PLPPR5: variants seen among roughly 807,000 people sequenced by gnomAD.
The protein encoded by PLPPR5 is phospholipid phosphatase related 5.
Under a neutral mutation model 33.9 loss-of-function variants are expected in PLPPR5, and 16 were observed. The observed-to-expected ratio is 0.47, with a 90% CI of 0.32 to 0.72. The LOEUF (loss-of-function observed/expected upper bound fraction) is 0.72, where lower values mean the gene tolerates loss of function less well. Ranked by LOEUF, PLPPR5 falls within the 30% of genes least tolerant of loss-of-function variation. The pLI is 0.03. For synonymous variants in PLPPR5, 163 were observed against 150.3 expected, an observed-to-expected ratio of 1.08 and a Z score of -0.62; for missense variants, 301 against 406.7, an observed-to-expected ratio of 0.74 and a Z score of 2.23.
intron 1 of PLPPR5, among the ~76,000 whole-genome samples, chr1:98,990,242 G>A (rs1024442249): frequency 3.3e-5 from 5 of 151,940 alleles, no homozygotes; most frequent in Admixed American, 6.6e-5. Context: ...GGTGGTGCAC[G>A]CCAGTAATCC....
intron 5 of PLPPR5, among the ~76,000 whole-genome samples, chr1:98,907,706 C>T (rs935256299): frequency 1.3e-5 from 2 of 152,142 alleles, no homozygotes; most frequent in African/African-American, 4.8e-5. Flanking sequence ...GAATCCTCCA[C>T]TTAGATCCTG....
intron 3 of PLPPR5, among the ~76,000 whole-genome samples, chr1:98,937,256 C>T (rs909867038): frequency 1.3e-5 from 2 of 152,206 alleles, no homozygotes; most frequent in African/African-American, 4.8e-5. Flanking sequence ...ATAACATACT[C>T]CTGCCTTCTA....
At position 99,004,169 on chromosome 1, in the gene PLPPR5, C is replaced by A. The variant is rs998450366; in HGVS notation, c.237+266G>T. 17 of 514,144 alleles carry A rather than the reference C, an allele frequency of 3.3e-5. No homozygotes were observed. In the African/African-American group the frequency reaches 3.3e-4, roughly 10 times the overall value. 31.8% of individuals were successfully genotyped at this position (514,144 alleles called of 1,614,324 possible). On this transcript the variant is annotated intron_variant, in intron 1 of 5. Transcript: ENST00000263177. ...GATCCCCACTCCTCACCACCTACGG[C>A]CCCTCTTCCCTTCCATCCCCGCCCA...
chr1:98,992,604 G>C (rs1288513818), intron 1 of PLPPR5, among the ~76,000 whole-genome samples: 1 of 152,078 alleles, frequency 6.6e-6, no homozygotes, highest in Admixed American at 6.6e-5. Flanking sequence ...TGTCTGAAAA[G>C]ATTTGATGTT....
chr1:98,948,426 G>C (rs1418998000), intron 3 of PLPPR5, among the ~76,000 whole-genome samples: 1 of 152,146 alleles, frequency 6.6e-6, no homozygotes, highest in Non-Finnish European at 1.5e-5. Flanking sequence ...TCTGGGAAAA[G>C]ACTGGGATAA....
chr1:98,989,072 C>T (rs1652360578), intron 1 of PLPPR5, among the ~76,000 whole-genome samples: 1 of 152,072 alleles, frequency 6.6e-6, no homozygotes, highest in Non-Finnish European at 1.5e-5. Flanking sequence ...TACCTACTAA[C>T]TGAACAGGGA....
At chr1:98,969,363 A>C (rs938997624) in intron 1 of PLPPR5, among the ~76,000 whole-genome samples, 4 of 152,064 alleles carry the variant, frequency 2.6e-5, no homozygotes, top group Non-Finnish European at 5.9e-5. Flanking sequence ...TATTAGAAAA[A>C]GAAGAGAGGG....
At chr1:98,904,792 A>G (rs1445328698) in intron 5 of PLPPR5, among the ~76,000 whole-genome samples, 1 of 152,164 alleles carries the variant, frequency 6.6e-6, no homozygotes, top group Non-Finnish European at 1.5e-5. Context: ...ATTACAAAGG[A>G]GAGGTATCCG....
At chr1:98,964,958 C>T (rs1227921559) in intron 1 of PLPPR5, among the ~76,000 whole-genome samples, 1 of 150,626 alleles carries the variant, frequency 6.6e-6, no homozygotes, top group Non-Finnish European at 1.5e-5. Context: ...TGCAACCATG[C>T]CCAGTTAATT....
At chr1:98,930,911 C>G (rs893425525) in intron 3 of PLPPR5, among the ~76,000 whole-genome samples, 2 of 152,146 alleles carry the variant, frequency 1.3e-5, no homozygotes, top group Non-Finnish European at 2.9e-5. Flanking sequence ...CACTTTACAC[C>G]CTTTCAAGAA....
chr1:99,001,621 C>T (rs72646196), intron 1 of PLPPR5, among the ~76,000 whole-genome samples: 11,715 of 138,414 alleles, frequency 0.085, 581 homozygotes, highest in East Asian at 0.26. Context: ...GTGAGGAGAA[C>T]GACTTTTCAA....
intron 1 of PLPPR5, among the ~76,000 whole-genome samples, chr1:98,974,519 A>G (rs1191382459): frequency 1.3e-5 from 2 of 152,060 alleles, no homozygotes; most frequent in Non-Finnish European, 2.9e-5. Context: ...AAACTCTGAA[A>G]TGGATCACAG....
intron 5 of PLPPR5, among the ~76,000 whole-genome samples, chr1:98,904,810 A>C (rs530459487): frequency 2.6e-5 from 4 of 152,214 alleles, no homozygotes; most frequent in Non-Finnish European, 5.9e-5. Flanking sequence ...CCGTGAAGAA[A>C]GAACAGGGAA....
chr1:98,896,966 C>T (rs1330070588), intron 5 of PLPPR5, among the ~76,000 whole-genome samples: 1 of 151,760 alleles, frequency 6.6e-6, no homozygotes, highest in Admixed American at 6.6e-5. Flanking sequence ...TGAGAAAATG[C>T]AAAAAGGGCA....
In PLPPR5 at chr1:99,004,651, C is replaced by A. The variant is rs759210315; in HGVS notation, c.21G>T (p.Ala7=). Reference sequence around the variant, plus strand: ...GGAAATAGAGCATGCTGCTGGTGAGCGCCGCGGGCAGCAGGGGCATGCACG... The same window carrying A: ...GGAAATAGAGCATGCTGCTGGTGAGAGCCGCGGGCAGCAGGGGCATGCACG... MPLLPA[A]LTSSMLYFQM... Residue 7 remains alanine (A), a synonymous_variant, in exon 1 of 6, where the codon GCG becomes GCT. Coordinates refer to ENST00000263177, the MANE Select transcript of PLPPR5 (RefSeq NM_001037317.2). 3 of 1,611,362 alleles carry A rather than the reference C, an allele frequency of 1.9e-6. No homozygotes were observed. Among genetic ancestry groups the A allele is most frequent in the East Asian group, 2.2e-5 (1 of 44,640 alleles).
Position 98,952,262 on chromosome 1 carries a change from C to CAAAAAAAAAAAAAAAA in PLPPR5, c.621+807_621+808insTTTTTTTTTTTTTTTT, listed in dbSNP as rs779701945. On this transcript the variant is annotated intron_variant, in intron 3 of 5. Transcript: ENST00000263177. ...TGGGTGACAGAGCGAGACTCCGTCT[C>CAAAAAAAAAAAAAAAA]AGAAAAAAAAAAAAAAAAAAAAATC... Among the ~76,000 whole-genome samples, 18 of 113,052 alleles carry CAAAAAAAAAAAAAAAA rather than the reference C, an allele frequency of 1.6e-4. 1 individual carries two copies. The highest frequency in any genetic ancestry group is 5.6e-4 in the African/African-American group (18 of 31,884). 74.2% of individuals were successfully genotyped at this position (113,052 alleles called of 152,430 possible). A position where few individuals can be genotyped will look rare whatever the true frequency, so the allele number is the denominator to read the frequency against.
chr1:98,929,642 T>C (rs1048667433), intron 3 of PLPPR5, among the ~76,000 whole-genome samples: 1 of 152,164 alleles, frequency 6.6e-6, no homozygotes, highest in Non-Finnish European at 1.5e-5. Flanking sequence ...GGCCGATTGA[T>C]GGTTTGGTTA....
chr1:99,003,592 T>C (rs1036147267), intron 1 of PLPPR5, among the ~76,000 whole-genome samples: 8 of 151,480 alleles, frequency 5.3e-5, no homozygotes, highest in African/African-American at 1.9e-4. Context: ...ATAAAATTAA[T>C]ATTATTATGT....
intron 1 of PLPPR5, 44 bp from the exon 2 acceptor site, chr1:98,956,785 G>A (rs767497431): frequency 7.2e-7 from 1 of 1,384,484 alleles, no homozygotes; most frequent in South Asian, 1.5e-5. Flanking sequence ...AATTTAACCA[G>A]TATAAATGTA....
Sources: gnomAD v4.1 joint callset for allele counts (sites outside exome capture counted in the v4.1 genomes callset) on GRCh38, gnomAD v4.1.1 for gene constraint, MANE v1.5 for transcripts, NCBI Gene and HGNC (gene_info 2026-07-23, HGNC 2026-07-21) for gene names.